Variants in PDK3 observed in about 807,000 individuals in gnomAD.
PDK3 encodes pyruvate dehydrogenase kinase, isozyme 3.
A neutral mutation model predicts 32.0 loss-of-function variants in PDK3; 12 were observed. The ratio of observed to expected loss-of-function variants is 0.37; its 90% CI spans 0.24 to 0.61. PDK3 has a LOEUF of 0.61. PDK3 is among the 20% of genes least tolerant of loss of function. PDK3 has a pLI of 0.65. For synonymous variants in PDK3, 122 were observed against 116.3 expected (o/e 1.05, Z -0.31); for missense variants, 188 against 316.9 (o/e 0.59, Z 3.09).
At chrX:24,490,379 T>G (rs1223588699) in intron 1 of PDK3, among the ~76,000 whole-genome samples, 1 of 110,903 alleles carries the variant, frequency 9.0e-6, no homozygotes, top group East Asian at 2.8e-4. Flanking sequence ...TAAAGAAACT[T>G]ACCCCTGCTC....
At chrX:24,468,012 A>C (rs1014737861) in intron 1 of PDK3, among the ~76,000 whole-genome samples, 2 of 112,135 alleles carry the variant, frequency 1.8e-5, no homozygotes, top group East Asian at 5.6e-4. Flanking sequence ...CTGCTAGTTT[A>C]TGAACTTGAT....
At chrX:24,495,844 G>A (rs1253750217) in intron 2 of PDK3, among the ~76,000 whole-genome samples, 1 of 111,743 alleles carries the variant, frequency 8.9e-6, no homozygotes, top group Non-Finnish European at 1.9e-5. Flanking sequence ...TAGAGGTCCC[G>A]TCCTAAGTCA....
chrX:24,503,632 G>T (rs748060709), intron 4 of PDK3, 121 bp downstream of exon 4: 13 of 498,979 alleles, frequency 2.6e-5, no homozygotes, highest in Non-Finnish European at 4.1e-5. Context: ...TTTCTAGTTC[G>T]GTTTTTCCTA....
exon 12 of PDK3, chrX:24,549,637 T>G (rs754248395): frequency 5.4e-5 from 6 of 111,720 alleles, no homozygotes; most frequent in Non-Finnish European, 1.1e-4. Context: ...GAGTCAGTCC[T>G]GGAAAACAGG....
intron 1 of PDK3, among the ~76,000 whole-genome samples, chrX:24,480,900 C>T (rs1478825418): frequency 9.0e-6 from 1 of 111,623 alleles, no homozygotes; most frequent in Admixed American, 9.5e-5. Context: ...CCTACCTCGC[C>T]CTTAAAGGTT....
chrX:24,537,532 A>G (rs1922807404), downstream of PDK3, among the ~76,000 whole-genome samples: 1 of 110,304 alleles, frequency 9.1e-6, no homozygotes, highest in East Asian at 2.8e-4. Context: ...GAGCTATAAA[A>G]TATAGCTATA....
rs1362625763 is a variant in PDK3 at position 24,503,437 on chromosome X, G to A, written c.431G>A (p.Ser144Asn). Reference sequence around the variant, plus strand: ...AAGTTTGGGTTTGATCCTTTCATTAGCACTAACATCCAATATTTTCTGGAT... The same window carrying A: ...AAGTTTGGGTTTGATCCTTTCATTAACACTAACATCCAATATTTTCTGGAT... ...KEKFGFDPFI[S>N]TNIQYFLDRF... Residue 144 changes from serine (S) to asparagine (N), a missense_variant, in exon 4 of 11, where the codon AGC becomes AAC. By Grantham distance (46) the Ser-to-Asn change is conservative. Coordinates refer to ENST00000379162, the MANE Select transcript of PDK3 (RefSeq NM_005391.5). 8.3e-7 allele frequency: 1 copy of A among 1,205,470 alleles called. No individual in the cohort carries two copies. Among genetic ancestry groups the A allele is most frequent in the Non-Finnish European group, 1.1e-6 (1 of 890,654 alleles).
intron 1 of PDK3, among the ~76,000 whole-genome samples, chrX:24,473,954 A>T (rs1029929371): frequency 8.9e-6 from 1 of 112,168 alleles, no homozygotes; most frequent in Admixed American, 9.5e-5. Flanking sequence ...AACTTGGACT[A>T]TTATGGCATA....
At chrX:24,472,836 C>T (rs1407646709) in intron 1 of PDK3, among the ~76,000 whole-genome samples, 4 of 106,968 alleles carry the variant, frequency 3.7e-5, no homozygotes, top group Non-Finnish European at 7.7e-5. Flanking sequence ...TACAGGCATG[C>T]GCCTACATGC....
chrX:24,494,320 C>G (rs1602109669), intron 1 of PDK3, among the ~76,000 whole-genome samples: 1 of 112,188 alleles, frequency 8.9e-6, no homozygotes, highest in East Asian at 2.8e-4. Flanking sequence ...TTGGCACACA[C>G]AGTAGGTAAA....
At chrX:24,500,430 C>T (rs1028739959) in intron 3 of PDK3, among the ~76,000 whole-genome samples, 2 of 111,525 alleles carry the variant, frequency 1.8e-5, no homozygotes, top group East Asian at 2.8e-4. Context: ...TACTGAGAGA[C>T]GACTATACAC....
chrX:24,477,608 A>G (rs1169461460), intron 1 of PDK3, among the ~76,000 whole-genome samples: 1 of 111,304 alleles, frequency 9.0e-6, no homozygotes, highest in African/African-American at 3.3e-5. Context: ...CTGAGTTTTC[A>G]TATGCTCAGT....
At chrX:24,497,331 C>A (rs1921740749) in intron 2 of PDK3, among the ~76,000 whole-genome samples, 1 of 111,896 alleles carries the variant, frequency 8.9e-6, no homozygotes, top group Non-Finnish European at 1.9e-5. Flanking sequence ...GTCGCCCAGG[C>A]TGGAATGCAG....
intron 2 of PDK3, among the ~76,000 whole-genome samples, chrX:24,497,419 G>A (rs890932062): frequency 1.5e-4 from 17 of 112,037 alleles, no homozygotes; most frequent in Non-Finnish European, 1.9e-5. Context: ...CGAGTAGCTA[G>A]GACTACAGGC....
intron 6 of PDK3, among the ~76,000 whole-genome samples, chrX:24,521,997 T>G (rs1922410273): frequency 8.9e-6 from 1 of 112,237 alleles, no homozygotes; most frequent in Admixed American, 9.5e-5. Flanking sequence ...ATGTTGGAGA[T>G]GCAGGTTGGA....
In PDK3 at chrX:24,471,075, A is replaced by G. The variant is rs917803077; in HGVS notation, c.106+5514A>G. Among the ~76,000 whole-genome samples the G allele has an allele frequency of 2.3e-4, 25 of 110,555 alleles. No individual in the cohort carries two copies. The Admixed American group carries it at 2.4e-3, about 11-fold the overall frequency. ...TCGGGAGGTGGGGGGGCTAGGGGAGAGATAGCATTAGGAGAAATACCTAAT... is the reference window on the plus strand; with the variant it reads ...TCGGGAGGTGGGGGGGCTAGGGGAGGGATAGCATTAGGAGAAATACCTAAT... On this transcript the variant is annotated intron_variant, in intron 1 of 10. Transcript: ENST00000379162.
chrX:24,491,544 G>A (rs1482649551), intron 1 of PDK3, among the ~76,000 whole-genome samples: 1 of 110,775 alleles, frequency 9.0e-6, no homozygotes, highest in Non-Finnish European at 1.9e-5. Context: ...AAGATATCGA[G>A]GGTAGGGGGA....
intron 5 of PDK3, among the ~76,000 whole-genome samples, chrX:24,515,864 T>C (rs1922243305): frequency 8.9e-6 from 1 of 111,759 alleles, no homozygotes; most frequent in Admixed American, 9.5e-5. Context: ...TCAACTCTTT[T>C]AAACATTTTT....
chrX:24,490,157 T>C (rs1322352073), intron 1 of PDK3, among the ~76,000 whole-genome samples: 1 of 111,884 alleles, frequency 8.9e-6, no homozygotes, highest in Non-Finnish European at 1.9e-5. Context: ...AGTTTTTATT[T>C]ATAGAGATGG....
Sources: gnomAD v4.1 joint callset for allele counts (sites outside exome capture counted in the v4.1 genomes callset) on GRCh38, gnomAD v4.1.1 for gene constraint, MANE v1.5 for transcripts, NCBI Gene and HGNC (gene_info 2026-07-23, HGNC 2026-07-21) for gene names.